The following DMXL1 variants were observed in gnomAD, a reference collection of about 807,000 sequenced individuals.
DMXL1 encodes the protein Dmx like 1.
DMXL1 carries 99 observed loss-of-function variants against 319.2 expected under a neutral mutation model. The ratio of observed to expected loss-of-function variants is 0.31; its 90% CI spans 0.26 to 0.37. The LOEUF (loss-of-function observed/expected upper bound fraction) is 0.37. Ranked by LOEUF, DMXL1 falls within the 10% of genes least tolerant of loss-of-function variation. The probability of loss-of-function intolerance (pLI) is 1.00; values close to 1 mark genes in which losing one functional copy is unlikely to be tolerated. For missense variants in DMXL1, 3,745 were observed against 3,595.6 expected (o/e 1.04, Z -1.06); for synonymous variants, 1,385 against 1,235.2 (o/e 1.12, Z -2.54).
At chr5:119,076,012 G>A (rs1235364507) in intron 1 of DMXL1, among the ~76,000 whole-genome samples, 1 of 151,506 alleles carries the variant, frequency 6.6e-6, no homozygotes, top group East Asian at 1.9e-4. Context: ...TTCTTTTGTG[G>A]TTTATCTATA....
chr5:119,143,750 G>T (rs1767921279), intron 13 of DMXL1, 91 bp from the exon 14 acceptor site: 2 of 798,894 alleles, frequency 2.5e-6, no homozygotes, highest in South Asian at 2.2e-5. Context: ...GAATTTTATT[G>T]TTATTTATCT....
At chr5:119,140,423 A>G (rs1767040579) in intron 13 of DMXL1, among the ~76,000 whole-genome samples, 1 of 152,150 alleles carries the variant, frequency 6.6e-6, no homozygotes, top group East Asian at 1.9e-4. Context: ...TTACCAAGGG[A>G]ATGTTAACCA....
At chr5:119,180,231 A>G (rs184615770) in intron 28 of DMXL1, among the ~76,000 whole-genome samples, 113 of 152,310 alleles carry the variant, frequency 7.4e-4, no homozygotes, top group African/African-American at 2.5e-3. Context: ...CTCTTAACGT[A>G]TTTGACCTAA....
intron 18 of DMXL1, among the ~76,000 whole-genome samples, chr5:119,151,200 A>G (rs1180287003): frequency 6.6e-6 from 1 of 152,064 alleles, no homozygotes; most frequent in Non-Finnish European, 1.5e-5. Flanking sequence ...AGCATAATGT[A>G]ATTAGGTCTT....
intron 27 of DMXL1, 61 bp downstream of exon 27, chr5:119,177,545 G>C: frequency 7.2e-7 from 1 of 1,388,156 alleles, no homozygotes; most frequent in Non-Finnish European, 9.6e-7. Context: ...TAGATAAGTA[G>C]AAAGACTTTT....
rs757608639 is a variant in DMXL1 at position 119,239,065 on chromosome 5, T to G, written c.8636T>G (p.Leu2879Arg). 1 of 1,613,800 alleles carries G rather than the reference T, an allele frequency of 6.2e-7. No homozygotes were observed. Among genetic ancestry groups the G allele is most frequent in the East Asian group, 2.2e-5 (1 of 44,830 alleles). The stretch of plus-strand genomic sequence containing the variant: ...TCCTCTCTGATAGCTACAGCTGGTC[T>G]TTCAACTGACAATAGGTAAGAGATG... ...SSSSLIATAG[L>R]STDNRNVCLW... Residue 2879 changes from leucine (L) to arginine (R), a missense_variant, in exon 41 of 44, where the codon CTT (leucine) becomes CGT (arginine). Physicochemically the swap from Leu to Arg is moderately radical, Grantham distance 102 (BLOSUM62 -2). Transcript: ENST00000539542.
intron 28 of DMXL1, among the ~76,000 whole-genome samples, chr5:119,183,473 T>C (rs1158431747): frequency 1.3e-5 from 2 of 152,288 alleles, no homozygotes; most frequent in East Asian, 1.9e-4. Context: ...GGGAATACTT[T>C]CCTTTTCTTT....
chr5:119,172,044 T>G, intron 25 of DMXL1, 75 bp downstream of exon 25: 1 of 1,312,048 alleles, frequency 7.6e-7, no homozygotes, highest in Non-Finnish European at 1.0e-6. Context: ...TAAGGCTTTT[T>G]TTTAAGTAAT....
intron 13 of DMXL1, among the ~76,000 whole-genome samples, chr5:119,135,951 G>C (rs929797425): frequency 1.3e-5 from 2 of 152,216 alleles, no homozygotes; most frequent in African/African-American, 4.8e-5. Flanking sequence ...TTGGAACTGG[G>C]TAACAGGCAG....
chr5:119,176,114 T>C (rs1393225942), intron 26 of DMXL1, among the ~76,000 whole-genome samples: 2 of 152,104 alleles, frequency 1.3e-5, no homozygotes, highest in African/African-American at 2.4e-5. Context: ...AGCAATGTCC[T>C]GTCTTATTTA....
At position 119,081,801 on chromosome 5, in the gene DMXL1, G is replaced by A. The variant is rs969145829; in HGVS notation, c.87+10145G>A. On this transcript the variant is annotated intron_variant, in intron 1 of 43. Coordinates refer to ENST00000539542, the MANE Select transcript of DMXL1 (RefSeq NM_001290321.3). Reference sequence around the variant, plus strand: ...ATTTGAAGGTAGTTTTTGGCCATAAGTTATAAAGGTTTTAAGAAAAGAGTT... The same window carrying A: ...ATTTGAAGGTAGTTTTTGGCCATAAATTATAAAGGTTTTAAGAAAAGAGTT... 6 of 851,576 alleles carry A rather than the reference G, an allele frequency of 7.0e-6. No individual in the cohort carries two copies. In the African/African-American group the frequency reaches 1.1e-4, roughly 16 times the overall value. The allele number at this position is 851,576 out of a possible 1,614,324, so 52.8% of individuals were successfully genotyped here. A position where few individuals can be genotyped will look rare whatever the true frequency, so the allele number is the denominator to read the frequency against.
chr5:119,082,020 T>TACACACACACACAC (rs565047535), intron 1 of DMXL1, among the ~76,000 whole-genome samples: 2 of 108,162 alleles, frequency 1.8e-5, no homozygotes, highest in African/African-American at 8.3e-5. Context: ...TATATATATA[T>TACACACACACACAC]ACACACACAC....
At chr5:119,234,811 G>T (rs73247063) in intron 39 of DMXL1, among the ~76,000 whole-genome samples, 1 of 151,978 alleles carries the variant, frequency 6.6e-6, no homozygotes, top group Admixed American at 6.6e-5. Flanking sequence ...ATAGCTACAT[G>T]ATTACAATAT....
intron 9 of DMXL1, among the ~76,000 whole-genome samples, chr5:119,123,996 T>C (rs1160756867): frequency 6.6e-6 from 1 of 151,310 alleles, no homozygotes; most frequent in African/African-American, 2.4e-5. Context: ...GTGTACTCAA[T>C]TTAACATTCA....
At chr5:119,214,985 T>A (rs937278494) in intron 34 of DMXL1, among the ~76,000 whole-genome samples, 6 of 152,202 alleles carry the variant, frequency 3.9e-5, no homozygotes, top group Non-Finnish European at 7.3e-5. Context: ...ACATTTAGTA[T>A]ACTTTAGATG....
At chr5:119,230,741 G>C (rs1052295280) in intron 38 of DMXL1, among the ~76,000 whole-genome samples, 1 of 152,128 alleles carries the variant, frequency 6.6e-6, no homozygotes, top group East Asian at 1.9e-4. Context: ...AATTAGCTGG[G>C]CGTGGTGGCA....
intron 19 of DMXL1, among the ~76,000 whole-genome samples, chr5:119,161,676 G>T (rs1447897349): frequency 6.6e-6 from 1 of 152,192 alleles, no homozygotes. Flanking sequence ...CTCTCTGGTT[G>T]GGCAGGTCTA....
intron 4 of DMXL1, among the ~76,000 whole-genome samples, chr5:119,109,058 C>T (rs1464152392): frequency 1.3e-5 from 2 of 152,116 alleles, no homozygotes; most frequent in African/African-American, 4.8e-5. Flanking sequence ...GCCTTGGCCT[C>T]CCAAAGTGCT....
At chr5:119,194,821 G>A (rs958908934) in intron 30 of DMXL1, among the ~76,000 whole-genome samples, 12 of 152,138 alleles carry the variant, frequency 7.9e-5, no homozygotes, top group Admixed American at 1.3e-4. Context: ...TTGGGAGGCC[G>A]AGGTGGTCAG....
Sources: allele counts gnomAD v4.1 joint callset (sites outside exome capture counted in the v4.1 genomes callset), GRCh38; gene constraint gnomAD v4.1.1; transcripts MANE v1.5; gene names NCBI Gene and HGNC (gene_info 2026-07-23, HGNC 2026-07-21).